EEF1A2: variants seen among roughly 807,000 people sequenced by gnomAD.
The protein encoded by EEF1A2 is elongation factor 1-alpha 2.
A neutral mutation model predicts 39.3 loss-of-function variants in EEF1A2; 5 were observed. The ratio of observed to expected loss-of-function variants is 0.13; its 90% CI spans 0.07 to 0.27. The LOEUF is 0.27. Among genes scored for constraint, EEF1A2 ranks in the 10% least tolerant of loss-of-function variants. EEF1A2 has a pLI of 1.00. For synonymous variants in EEF1A2, 287 were observed against 293.7 expected, an observed-to-expected ratio of 0.98 and a Z score of 0.23; for missense variants, 218 against 681.4, an observed-to-expected ratio of 0.32 and a Z score of 7.57.
rs1457467838 is a variant in EEF1A2, at chr20:63,498,974, C to G, written c.-72+84G>C. ...GGGGGCGGGTGCGGGGCCCGGCCAC[C>G]CTCTGCCCCCCAGGACCGGCCCCGG... On this transcript the variant is annotated intron_variant, in intron 1 of 7. Transcript: ENST00000217182. The surrounding 1 kb of genome is among the most constrained non-coding windows in gnomAD (Gnocchi z 4.1). The G allele has an allele frequency of 6.7e-6, 1 of 148,742 alleles. No individual in the cohort carries two copies. Among genetic ancestry groups the G allele is most frequent in the African/African-American group, 2.5e-5 (1 of 40,810 alleles). 9.2% of individuals were successfully genotyped at this position (148,742 alleles called of 1,614,324 possible). A position where few individuals can be genotyped will look rare whatever the true frequency, so the allele number is the denominator to read the frequency against.
In EEF1A2 at chr20:63,494,793, G is replaced by A; in HGVS notation, c.621+12C>T. Reference sequence around the variant, plus strand: ...AGCTCCCGTGGCCCGCCCCGCCCTAGCCGCCACTCACGTTGGGGGAGGGCT... The same window carrying A: ...AGCTCCCGTGGCCCGCCCCGCCCTAACCGCCACTCACGTTGGGGGAGGGCT... On this transcript the variant is annotated intron_variant, in intron 4 of 7. Coordinates refer to ENST00000217182, the MANE Select transcript of EEF1A2 (RefSeq NM_001958.5). 6.2e-7 allele frequency: 1 copy of A among 1,604,780 alleles called. No homozygotes were observed. The highest frequency in any genetic ancestry group is 8.5e-7 in the Non-Finnish European group (1 of 1,175,514).
intron 4 of EEF1A2, among the ~76,000 whole-genome samples, chr20:63,494,197 G>A (rs550429486): frequency 6.6e-6 from 1 of 152,228 alleles, no homozygotes. Context: ...CCTCTGGCTT[G>A]GAGAACCCTG....
intron 5 of EEF1A2, among the ~76,000 whole-genome samples, chr20:63,491,232 T>C (rs1741619): frequency 1.0e-4 from 9 of 87,998 alleles, no homozygotes; most frequent in African/African-American, 4.4e-4. Flanking sequence ...CTGCAGGCTC[T>C]CTGGGCCCCA....
At position 63,495,973 on chromosome 20, in the gene EEF1A2, G is replaced by A. The variant is rs3818681; in HGVS notation, c.207C>T (p.Arg69=). Residue 69 remains arginine, a synonymous_variant, in exon 3 of 8, where the codon CGC becomes CGT. Coordinates refer to ENST00000217182, the MANE Select transcript of EEF1A2 (RefSeq NM_001958.5). ...VLDKLKAERE[R]GITIDISLWK... Reference sequence around the variant, plus strand: ...AGAGGGAGATGTCGATGGTGATGCCGCGCTCACGCTCCGCCTTCAGCTTGT... The same window carrying A: ...AGAGGGAGATGTCGATGGTGATGCCACGCTCACGCTCCGCCTTCAGCTTGT... The A allele has an allele frequency of 0.044, 71,241 of 1,613,086 alleles. 3,717 individuals carry two copies. Among genetic ancestry groups the A allele is most frequent in the South Asian group, 0.21 (19,240 of 91,074 alleles).
rs775621654 is a variant in EEF1A2 at position 63,490,638 on chromosome 20, C to T, written c.870G>A (p.Lys290=). The change falls in exon 6 of 8, where the codon AAG becomes AAA. Residue 290 remains lysine, a synonymous_variant. Transcript: ENST00000217182. ...FAPVNITTEV[K]SVEMHHEALS... is the part of the protein sequence containing the mutation. ...GAGCCTCGTGGTGCATCTCCACTGACTTCACCTCAGTGGTGATGTTCACTG... is the reference window on the plus strand; with the variant it reads ...GAGCCTCGTGGTGCATCTCCACTGATTTCACCTCAGTGGTGATGTTCACTG... 2 of 1,612,576 alleles carry T rather than the reference C, an allele frequency of 1.2e-6. No homozygotes were observed. Among genetic ancestry groups the T allele is most frequent in the African/African-American group, 2.7e-5 (2 of 74,962 alleles).
chr20:63,490,798 C>T (rs2082375412), intron 5 of EEF1A2, 63 bp from the exon 6 acceptor site: 22 of 1,540,504 alleles, frequency 1.4e-5, no homozygotes, highest in South Asian at 1.2e-4. Context: ...GCAGGATATT[C>T]GGGGACAGAG....
rs1452074713 is a variant in EEF1A2 at position 63,498,323 on chromosome 20, G to T, written c.-71-489C>A. On this transcript the variant is annotated intron_variant, in intron 1 of 7. Coordinates refer to ENST00000217182, the MANE Select transcript of EEF1A2 (RefSeq NM_001958.5). The surrounding 1 kb of genome is among the most constrained non-coding windows in gnomAD (Gnocchi z 4.1). ...CCCACTCCCCTCCTCAGGCAGGGAC[G>T]GCGCCATCTTCCCCTCATCCCTGCC... 1 of 152,422 alleles carries T rather than the reference G, an allele frequency of 6.6e-6. No homozygotes were observed. The highest frequency in any genetic ancestry group is 1.5e-5 in the Non-Finnish European group (1 of 68,246). The allele number at this position is 152,422 out of a possible 1,614,324, so 9.4% of individuals were successfully genotyped here.
At chr20:63,489,491 C>A (rs193182535) in intron 6 of EEF1A2, among the ~76,000 whole-genome samples, 4 of 152,308 alleles carry the variant, frequency 2.6e-5, no homozygotes, top group Admixed American at 1.3e-4. Flanking sequence ...TTTTAAAAAT[C>A]ATATGAAGAG....
chr20:63,494,240 G>A (rs532919070), intron 4 of EEF1A2, among the ~76,000 whole-genome samples: 6 of 152,320 alleles, frequency 3.9e-5, no homozygotes, highest in Middle Eastern at 3.4e-3. Flanking sequence ...GTGTCTCCAC[G>A]CGTCACCTCC....
In EEF1A2 at chr20:63,488,258, C is replaced by T; in HGVS notation, c.*40G>A. ...GGGCCCGGGCCCGGGGTTCGGAGCGCGGCACCGCCGGGGAGGGTCGCGCCG... is the reference window on the plus strand; with the variant it reads ...GGGCCCGGGCCCGGGGTTCGGAGCGTGGCACCGCCGGGGAGGGTCGCGCCG... On this transcript the variant is annotated 3_prime_UTR_variant, in exon 8 of 8. Coordinates refer to ENST00000217182, the MANE Select transcript of EEF1A2 (RefSeq NM_001958.5). 1 of 1,007,516 alleles carries T rather than the reference C, an allele frequency of 9.9e-7. No individual in the cohort carries two copies. Among genetic ancestry groups the T allele is most frequent in the East Asian group, 9.6e-5 (1 of 10,388 alleles). The allele number at this position is 1,007,516 out of a possible 1,614,324, so 62.4% of individuals were successfully genotyped here.
chr20:63,491,872 G>GGGTA (rs1568995570), intron 5 of EEF1A2, among the ~76,000 whole-genome samples: 1 of 79,900 alleles, frequency 1.3e-5, no homozygotes, highest in Non-Finnish European at 3.2e-5. Flanking sequence ...GGAGGTGGAT[G>GGGTA]GATAGATGGA....
intron 6 of EEF1A2, 26 bp downstream of exon 6, chr20:63,490,453 C>G (rs2082373527): frequency 1.3e-6 from 2 of 1,598,670 alleles, no homozygotes; most frequent in South Asian, 1.1e-5. Flanking sequence ...AGGCGCCAGC[C>G]CCCTGGACCC....
rs2145939993 is a variant in EEF1A2 at position 63,490,514 on chromosome 20, C to T, written c.994G>A (p.Asp332Asn). The T allele has an allele frequency of 6.2e-7, 1 of 1,612,252 alleles. No individual in the cohort carries two copies. Among genetic ancestry groups the T allele is most frequent in the Non-Finnish European group, 8.5e-7 (1 of 1,179,600 alleles). ...AACTGAGCAGCCTCCTGCGGCGGGT[C>T]AGACTTGCTGTCCCCACACACGTTG... ...RGNVCGDSKS[D>N]PPQEAAQFTS... The change falls in exon 6 of 8, where the codon GAC (aspartate) becomes AAC (asparagine). Residue 332 changes from aspartate (D) to asparagine (N), a missense_variant. By Grantham distance (23) the Asp-to-Asn change is conservative. Coordinates refer to ENST00000217182, the MANE Select transcript of EEF1A2 (RefSeq NM_001958.5).
Position 63,488,937 on chromosome 20 carries a change from G to A in EEF1A2, c.1245C>T (p.Phe415=). The change falls in exon 7 of 8, where the codon TTC becomes TTT. Residue 415 remains phenylalanine (F), a synonymous_variant. Coordinates refer to ENST00000217182, the MANE Select transcript of EEF1A2 (RefSeq NM_001958.5). ...VPGKPMCVES[F]SQYPPLGRFA... The stretch of plus-strand genomic sequence containing the variant: ...GCTCACCGAGAGGCGGGTACTGGGA[G>A]AAGCTCTCCACACACATGGGCTTTC... 1 of 1,611,718 alleles carries A rather than the reference G, an allele frequency of 6.2e-7. No individual in the cohort carries two copies. Among genetic ancestry groups the A allele is most frequent in the Non-Finnish European group, 8.5e-7 (1 of 1,179,786 alleles).
chr20:63,488,727 C>T (rs968771529), intron 7 of EEF1A2, among the ~76,000 whole-genome samples, 191 bp downstream of exon 7: 2 of 152,248 alleles, frequency 1.3e-5, no homozygotes, highest in African/African-American at 4.8e-5. Context: ...GGGCCCACCC[C>T]AGCTCGTCTG....
At chr20:63,488,571 G>T in intron 7 of EEF1A2, 146 bp from the exon 8 acceptor site, 1 of 1,148,584 alleles carries the variant, frequency 8.7e-7, no homozygotes. Flanking sequence ...AAGACGGCCG[G>T]CCTCGCGGGA....
rs2145944978 is a variant in EEF1A2, at chr20:63,495,092, C to T, written c.334G>A (p.Ala112Thr). ...ACGCCCGCCGCCACGATCAGCACTGCGCAGTCCGCCTGCCCGGCAGGGGAC... is the reference window on the plus strand; with the variant it reads ...ACGCCCGCCGCCACGATCAGCACTGTGCAGTCCGCCTGCCCGGCAGGGGAC... The part of the protein sequence containing the change: ...MITGTSQADC[A>T]VLIVAAGVGE... Residue 112 changes from alanine to threonine, a missense_variant, in exon 4 of 8, where the codon GCA becomes ACA. By Grantham distance (58) the Ala-to-Thr change is moderately conservative. Transcript: ENST00000217182. 4 of 1,608,866 alleles carry T rather than the reference C, an allele frequency of 2.5e-6. No individual in the cohort carries two copies. Among genetic ancestry groups the T allele is most frequent in the Non-Finnish European group, 2.5e-6 (3 of 1,178,778 alleles).
At chr20:63,494,753 C>T in intron 4 of EEF1A2, 52 bp downstream of exon 4, 1 of 1,568,092 alleles carries the variant, frequency 6.4e-7, no homozygotes, top group South Asian at 1.2e-5. Flanking sequence ...TCGCTCTGGG[C>T]CAGGGGGTCC....
In EEF1A2 at chr20:63,496,055, C is replaced by T. The variant is rs756963600; in HGVS notation, c.145-20G>A. 22 of 1,611,268 alleles carry T rather than the reference C, an allele frequency of 1.4e-5. No individual in the cohort carries two copies. The East Asian group carries it at 1.8e-4, about 13-fold the overall frequency. The stretch of plus-strand genomic sequence containing the variant: ...CCCCATCTGGAGCGGGTGAGGGTCA[C>T]GGCTGAGGGCGGGACCCGGGACCCA... On this transcript the variant is annotated intron_variant, in intron 2 of 7. Transcript: ENST00000217182.
Sources: gnomAD v4.1 joint callset for allele counts (sites outside exome capture counted in the v4.1 genomes callset) on GRCh38, gnomAD v4.1.1 for gene constraint, Gnocchi (gnomAD v3.1) non-coding constraint, MANE v1.5 for transcripts, NCBI Gene and HGNC (gene_info 2026-07-23, HGNC 2026-07-21) for gene names.